Variants in DAPK2 observed in about 807,000 individuals in gnomAD.
DAPK2 encodes death-associated protein kinase 2.
DAPK2 carries 35 observed loss-of-function variants against 44.1 expected under a neutral mutation model. The observed-to-expected ratio is 0.79, with a 90% CI of 0.61 to 1.05. The LOEUF (loss-of-function observed/expected upper bound fraction) is 1.05. Ranked by LOEUF, DAPK2 falls within the 50% of genes least tolerant of loss-of-function variation. The pLI, the probability that DAPK2 is intolerant of heterozygous loss-of-function variation, is 0.00. For missense variants in DAPK2, 453 were observed against 483.2 expected, an observed-to-expected ratio of 0.94 and a Z score of 0.59; for synonymous variants, 174 against 182.6, an observed-to-expected ratio of 0.95 and a Z score of 0.38.
intron 6 of DAPK2, 166 bp downstream of exon 7, chr15:63,929,385 G>A (rs1182799004): frequency 1.2e-5 from 10 of 807,970 alleles, no homozygotes; most frequent in Non-Finnish European, 1.9e-5. Context: ...TCAGATGGAT[G>A]AAATGGACCT....
intron 1 of DAPK2, 60 bp from the exon 3 acceptor site, chr15:63,983,814 C>A: frequency 1.3e-6 from 2 of 1,494,658 alleles, no homozygotes; most frequent in South Asian, 1.2e-5. Flanking sequence ...GAAATGACCC[C>A]ACTGTCAGCT....
intron 3 of DAPK2, among the ~76,000 whole-genome samples, chr15:63,947,772 T>C (rs1421346704): frequency 6.6e-6 from 1 of 152,200 alleles, no homozygotes; most frequent in Non-Finnish European, 1.5e-5. Context: ...ATCATCTGCC[T>C]ATTGAACTCC....
rs964762724 is a variant in DAPK2, at chr15:63,947,336, C to CCCCAAAT, written c.454-7976_454-7975insATTTGGG. ...ATGTCCTGTCCCCACTATACTAAAA[C>CCCCAAAT]CCCATAAGGAAGGACAAGGGCCTTG... On this transcript the variant is annotated intron_variant, in intron 3 of 10. Coordinates refer to ENST00000261891, the Ensembl canonical transcript of DAPK2. Among the ~76,000 whole-genome samples the CCCCAAAT allele has an allele frequency of 2.7e-5, 4 of 150,774 alleles. No individual in the cohort carries two copies. In the East Asian group the frequency reaches 8.0e-4, roughly 30 times the overall value.
chr15:63,971,824 C>T (rs983472175), intron 2 of DAPK2, among the ~76,000 whole-genome samples: 1 of 152,198 alleles, frequency 6.6e-6, no homozygotes, highest in African/African-American at 2.4e-5. Context: ...CACTCTAGGC[C>T]CTGGTCCCAG....
At chr15:64,035,780 G>T (rs1407537192) in intron 1 of DAPK2, among the ~76,000 whole-genome samples, 3 of 152,204 alleles carry the variant, frequency 2.0e-5, no homozygotes, top group Admixed American at 6.5e-5. Flanking sequence ...ACAGGCTGGT[G>T]CCAAAAGTGT....
At chr15:63,958,449 A>T (rs2077790326) in intron 3 of DAPK2, among the ~76,000 whole-genome samples, 1 of 152,136 alleles carries the variant, frequency 6.6e-6, no homozygotes, top group African/African-American at 2.4e-5. Flanking sequence ...CCTGAATGGT[A>T]TTGCCTAGGT....
intron 5 of DAPK2, 143 bp from the exon 7 acceptor site, chr15:63,929,720 C>T (rs934192539): frequency 1.2e-5 from 11 of 907,554 alleles, no homozygotes; most frequent in Non-Finnish European, 1.8e-5. Flanking sequence ...CCACACCCAT[C>T]TCCATCCTGC....
intron 6 of DAPK2, 115 bp downstream of exon 7, chr15:63,929,436 T>A: frequency 1.5e-6 from 2 of 1,365,104 alleles, no homozygotes; most frequent in East Asian, 2.3e-5. Context: ...ACTTAACACA[T>A]CTGGATTATG....
At chr15:63,922,412 T>C (rs892270274) in intron 8 of DAPK2, 3 of 1,097,748 alleles carry the variant, frequency 2.7e-6, no homozygotes, top group South Asian at 3.3e-5. Flanking sequence ...AAATCCTTCA[T>C]CACAAATCAA....
At chr15:63,938,637 G>C (rs1216102973) in intron 4 of DAPK2, among the ~76,000 whole-genome samples, 1 of 152,144 alleles carries the variant, frequency 6.6e-6, no homozygotes, top group Non-Finnish European at 1.5e-5. Context: ...ATTTCTTCAT[G>C]ACCCCAATCT....
At position 63,980,510 on chromosome 15, in the gene DAPK2, A is replaced by G. The variant is rs535026525; in HGVS notation, c.314+3023T>C. On this transcript the variant is annotated intron_variant, in intron 2 of 10. Transcript: ENST00000261891. This position sits in a 1 kb window ranked among gnomAD's most constrained non-coding sequence, Gnocchi z 4.3. ...ATGGTTAACCAGCACCATCTTTGAAAAGTGAGGATATTGAGTCCCAAAAAT... is the reference window on the plus strand; with the variant it reads ...ATGGTTAACCAGCACCATCTTTGAAGAGTGAGGATATTGAGTCCCAAAAAT... Among the ~76,000 whole-genome samples the G allele has an allele frequency of 6.6e-6, 1 of 152,354 alleles. No individual in the cohort carries two copies. The highest frequency in any genetic ancestry group is 1.5e-5 in the Non-Finnish European group (1 of 68,032).
At position 63,939,270 on chromosome 15, in the gene DAPK2, A is replaced by G. The variant is rs757231979; in HGVS notation, c.545T>C (p.Val182Ala). The change falls in exon 4 of 11, where the codon GTT becomes GCT. Residue 182 changes from valine (V) to alanine (A), a missense_variant. Coordinates refer to ENST00000261891, the Ensembl canonical transcript of DAPK2. This position sits in a 1 kb window ranked among gnomAD's most constrained non-coding sequence, Gnocchi z 4.3. ...CGTCCCAAAAATATTCTTAAATTCA[A>G]CTCCATCTTCTATTTCGTGAGCCAG... 1.2e-6 allele frequency: 2 copies of G among 1,613,670 alleles called. No homozygotes were observed. Among genetic ancestry groups the G allele is most frequent in the South Asian group, 2.2e-5 (2 of 91,066 alleles).
chr15:64,020,891 C>T lies in DAPK2; in HGVS notation c.92+19279G>A, dbSNP rs1001609134. Among the ~76,000 whole-genome samples, 3 of 152,224 alleles carry T rather than the reference C, an allele frequency of 2.0e-5. No homozygotes were observed. Among genetic ancestry groups the T allele is most frequent in the Non-Finnish European group, 2.9e-5 (2 of 68,040 alleles). On this transcript the variant is annotated intron_variant, in intron 1 of 10. Coordinates refer to ENST00000261891, the Ensembl canonical transcript of DAPK2. The surrounding 1 kb of genome is among the most constrained non-coding windows in gnomAD (Gnocchi z 4.5). ...AAAGACCCACATTCAGGTCTCACTTCTGCCACCAAAATGCCTTGTGACCCA... is the reference window on the plus strand; with the variant it reads ...AAAGACCCACATTCAGGTCTCACTTTTGCCACCAAAATGCCTTGTGACCCA...
intron 1 of DAPK2, among the ~76,000 whole-genome samples, chr15:64,033,697 A>G (rs949559631): frequency 2.0e-5 from 3 of 152,084 alleles, no homozygotes; most frequent in Non-Finnish European, 4.4e-5. Context: ...TCACGAGGTC[A>G]GGAGATGGAG....
At chr15:64,019,171 C>T (rs1034390909) in intron 1 of DAPK2, among the ~76,000 whole-genome samples, 1 of 152,238 alleles carries the variant, frequency 6.6e-6, no homozygotes, top group Non-Finnish European at 1.5e-5. Context: ...CACAAGCAAC[C>T]ATTTACCAGA....
chr15:64,016,881 A>G (rs1397724275), intron 1 of DAPK2, among the ~76,000 whole-genome samples: 2 of 150,768 alleles, frequency 1.3e-5, no homozygotes, highest in African/African-American at 4.9e-5. Flanking sequence ...GGAAGGAAGG[A>G]AGGAAGGAAG....
At chr15:64,046,334 AGGCGCGGCGGGAGCGGCG>A (rs1434144532), upstream of DAPK2, 7 of 192,026 alleles carry the variant, frequency 3.6e-5, no homozygotes, top group African/African-American at 2.9e-4. This position sits in a 1 kb window ranked among gnomAD's most constrained non-coding sequence, Gnocchi z 5.3. Context: ...CGGCCGCGGC[AGGCGCGGCGGGAGCGGCG>A]GGCGCGGCGG....
rs1388845963 is a variant in DAPK2, at chr15:64,020,781, A to C, written c.92+19389T>G. On this transcript the variant is annotated intron_variant, in intron 1 of 10. Coordinates refer to ENST00000261891, the Ensembl canonical transcript of DAPK2. This position sits in a 1 kb window ranked among gnomAD's most constrained non-coding sequence, Gnocchi z 4.5. The stretch of plus-strand genomic sequence containing the variant: ...CAGGTACTAGAAGGAATAAATCAAA[A>C]GGGAAAGGATAGGTAACTTGGTGTG... Among the ~76,000 whole-genome samples, 1 of 152,222 alleles carries C rather than the reference A, an allele frequency of 6.6e-6. No individual in the cohort carries two copies. The highest frequency in any genetic ancestry group is 1.5e-5 in the Non-Finnish European group (1 of 68,032).
chr15:64,037,460 C>T (rs1293522119), intron 1 of DAPK2, among the ~76,000 whole-genome samples: 1 of 152,220 alleles, frequency 6.6e-6, no homozygotes, highest in African/African-American at 2.4e-5. Flanking sequence ...TTTCTTAGCC[C>T]TTAACACACC....
Sources: allele counts gnomAD v4.1 joint callset (sites outside exome capture counted in the v4.1 genomes callset), GRCh38; gene constraint gnomAD v4.1.1; non-coding constraint Gnocchi (gnomAD v3.1); transcripts MANE v1.5; gene names NCBI Gene and HGNC (gene_info 2026-07-23, HGNC 2026-07-21).